The following LGR6 variants were observed in gnomAD, a reference collection of about 807,000 sequenced individuals.
LGR6 encodes leucine-rich repeat-containing G protein-coupled receptor 6.
LGR6 carries 45 observed loss-of-function variants against 69.4 expected under a neutral mutation model. The ratio of observed to expected loss-of-function variants is 0.65; its 90% CI spans 0.51 to 0.83. The LOEUF (loss-of-function observed/expected upper bound fraction) is 0.83. LGR6 is among the 40% of genes least tolerant of loss of function. The pLI is 0.00. For missense variants in LGR6, 1,108 were observed against 1,246.7 expected (o/e 0.89, Z 1.68); for synonymous variants, 538 against 555.0 (o/e 0.97, Z 0.43).
In LGR6 at chr1:202,318,814, C is replaced by A. The variant is rs768845813; in HGVS notation, c.2511C>A (p.Asp837Glu). The change falls in exon 18 of 18, where the codon GAC becomes GAA. Residue 837 changes from aspartate (D) to glutamate (E), a missense_variant. Coordinates refer to ENST00000367278, the MANE Select transcript of LGR6 (RefSeq NM_001017403.2). ...YLLFNPHFRD[D>E]LRRLRPRAGD... The stretch of plus-strand genomic sequence containing the variant: ...TCTTCAACCCCCACTTCCGGGATGA[C>A]CTTCGGCGGCTTCGGCCCCGCGCAG... 11 of 1,613,314 alleles carry A rather than the reference C, an allele frequency of 6.8e-6. No homozygotes were observed. The highest frequency in any genetic ancestry group is 4.4e-5 in the South Asian group (4 of 91,018).
chr1:202,197,666 G>A (rs896050790), intron 1 of LGR6, among the ~76,000 whole-genome samples: 1 of 151,678 alleles, frequency 6.6e-6, no homozygotes, highest in African/African-American at 2.4e-5. Flanking sequence ...AACAAGGTTT[G>A]AGGGAGGCAC....
chr1:202,315,404 T>C (rs1388089236), intron 17 of LGR6, among the ~76,000 whole-genome samples: 4 of 152,232 alleles, frequency 2.6e-5, no homozygotes, highest in African/African-American at 2.4e-5. Flanking sequence ...CTAACGCTTA[T>C]AGTTGCGGAA....
chr1:202,204,502 T>TC (rs1658987694), intron 1 of LGR6, among the ~76,000 whole-genome samples: 1 of 17,374 alleles, frequency 5.8e-5, no homozygotes. Flanking sequence ...CACACACACC[T>TC]CCAAACACAC....
At chr1:202,316,935 T>G (rs1170215296) in intron 17 of LGR6, among the ~76,000 whole-genome samples, 1 of 152,150 alleles carries the variant, frequency 6.6e-6, no homozygotes, top group African/African-American at 2.4e-5. Flanking sequence ...GGACCTAGGT[T>G]GGAAAACCCC....
At chr1:202,280,176 G>A (rs1325349327) in intron 5 of LGR6, among the ~76,000 whole-genome samples, 1 of 151,846 alleles carries the variant, frequency 6.6e-6, no homozygotes, top group Non-Finnish European at 1.5e-5. Flanking sequence ...ATCACTTCGG[G>A]TCCCCCTTTG....
chr1:202,201,292 G>GC (rs879535346), intron 1 of LGR6, among the ~76,000 whole-genome samples: 22 of 152,114 alleles, frequency 1.4e-4, no homozygotes, highest in Admixed American at 1.4e-3. Context: ...AGTCTTGATG[G>GC]CCCCCCATAG....
chr1:202,217,126 C>T (rs887817672), intron 1 of LGR6, among the ~76,000 whole-genome samples: 7 of 152,208 alleles, frequency 4.6e-5, no homozygotes, highest in Non-Finnish European at 7.3e-5. Flanking sequence ...GGGTGGGGAC[C>T]GGCCCCAGAA....
At chr1:202,305,842 A>G (rs1653131831) in intron 12 of LGR6, 93 bp downstream of exon 12, 1 of 952,952 alleles carries the variant, frequency 1.0e-6, no homozygotes, top group African/African-American at 1.6e-5. Flanking sequence ...AGTAAGGGCC[A>G]ATGCACACTT....
At chr1:202,253,497 G>T (rs1663452702) in intron 4 of LGR6, among the ~76,000 whole-genome samples, 1 of 151,000 alleles carries the variant, frequency 6.6e-6, no homozygotes, top group South Asian at 2.1e-4. Flanking sequence ...AGAAGCGGGG[G>T]TTTCACCATG....
At chr1:202,269,026 T>C (rs1664889715) in intron 4 of LGR6, among the ~76,000 whole-genome samples, 1 of 152,114 alleles carries the variant, frequency 6.6e-6, no homozygotes. Context: ...TGCCGCAGCC[T>C]CCTGAGTAGC....
chr1:202,285,179 T>C (rs1350065897), intron 6 of LGR6, among the ~76,000 whole-genome samples: 2 of 152,232 alleles, frequency 1.3e-5, no homozygotes, highest in African/African-American at 4.8e-5. Flanking sequence ...CATTTTTACT[T>C]CAACAGCAAC....
At chr1:202,312,219 A>G (rs1336686005) in intron 16 of LGR6, among the ~76,000 whole-genome samples, 1 of 152,242 alleles carries the variant, frequency 6.6e-6, no homozygotes, top group Non-Finnish European at 1.5e-5. Context: ...TGCTCCAGCC[A>G]GATTCGATTT....
intron 6 of LGR6, among the ~76,000 whole-genome samples, chr1:202,286,480 G>C (rs1169245100): frequency 1.3e-5 from 2 of 152,152 alleles, no homozygotes; most frequent in African/African-American, 4.8e-5. Context: ...GTATCCTCAT[G>C]TTACAGATGG....
chr1:202,206,793 C>A (rs763661801), intron 1 of LGR6, among the ~76,000 whole-genome samples: 1 of 152,182 alleles, frequency 6.6e-6, no homozygotes, highest in Admixed American at 6.5e-5. Flanking sequence ...TGGTCTTGAA[C>A]TTGCTGGGAT....
chr1:202,237,455 TA>T (rs1321618229), intron 4 of LGR6, among the ~76,000 whole-genome samples: 2 of 152,346 alleles, frequency 1.3e-5, no homozygotes, highest in African/African-American at 4.8e-5. Flanking sequence ...GAGGACTTCA[TA>T]GGGGAAAAAA....
chr1:202,307,482 C>A, intron 14 of LGR6, 81 bp downstream of exon 14: 1 of 1,195,266 alleles, frequency 8.4e-7, no homozygotes, highest in East Asian at 2.3e-5. Context: ...AGAAGGGCCA[C>A]CCCAGAGCAG....
At position 202,215,261 on chromosome 1, in the gene LGR6, T is replaced by C. The variant is rs533632844; in HGVS notation, c.213-10162T>C. Among the ~76,000 whole-genome samples, 3 of 152,296 alleles carry C rather than the reference T, an allele frequency of 2.0e-5. No homozygotes were observed. In the South Asian group the frequency reaches 6.2e-4, roughly 32 times the overall value. On this transcript the variant is annotated intron_variant, in intron 1 of 17. Coordinates refer to ENST00000367278, the MANE Select transcript of LGR6 (RefSeq NM_001017403.2). ...ACAAACAAGGCTCAGAGATGTGGTCTGACTTCACCTCCCCAATCCTTGTGC... is the reference window on the plus strand; with the variant it reads ...ACAAACAAGGCTCAGAGATGTGGTCCGACTTCACCTCCCCAATCCTTGTGC...
intron 4 of LGR6, among the ~76,000 whole-genome samples, chr1:202,253,866 C>T (rs1266373273): frequency 1.8e-5 from 2 of 112,302 alleles, no homozygotes; most frequent in East Asian, 2.9e-4. Flanking sequence ...AGTGCAGTGG[C>T]GGGATCTCGG....
At chr1:202,198,132 ATATGTGTCTG>A (rs1353905502) in intron 1 of LGR6, among the ~76,000 whole-genome samples, 5 of 152,154 alleles carry the variant, frequency 3.3e-5, no homozygotes, top group Non-Finnish European at 5.9e-5. Flanking sequence ...TGGTGTGTGC[ATATGTGTCTG>A]TGTGTGTCTG....
Sources: allele counts gnomAD v4.1 joint callset (sites outside exome capture counted in the v4.1 genomes callset), GRCh38; gene constraint gnomAD v4.1.1; transcripts MANE v1.5; gene names NCBI Gene and HGNC (gene_info 2026-07-23, HGNC 2026-07-21).